PLCH1: variants seen among roughly 807,000 people sequenced by gnomAD.
The protein encoded by PLCH1 is phospholipase C eta 1.
A neutral mutation model predicts 126.7 loss-of-function variants in PLCH1; 60 were observed. The observed-to-expected ratio is 0.47, with a 90% CI of 0.38 to 0.59. The LOEUF (loss-of-function observed/expected upper bound fraction) is 0.59, where lower values mean the gene tolerates loss of function less well. Among genes scored for constraint, PLCH1 ranks in the 20% least tolerant of loss-of-function variants. The pLI is 0.00. For missense variants in PLCH1, 1,723 were observed against 2,040.0 expected (o/e 0.84, Z 2.99); for synonymous variants, 719 against 734.9 (o/e 0.98, Z 0.35).
rs558775491 is a variant in PLCH1, at chr3:155,692,813, G to A, written c.79+11333C>T. On this transcript the variant is annotated intron_variant, in intron 2 of 22. Coordinates refer to ENST00000460012, the MANE Select transcript of PLCH1 (RefSeq NM_014996.4). ...GCTCTGTCGCCCAGGCTAGAGTGCA[G>A]TGGCGCCATCTCCGCTCACTGCAAG... is the stretch of plus-strand genomic sequence containing the variant. 2.0e-5 allele frequency among the ~76,000 whole-genome samples: 3 copies of A among 151,814 alleles called. No homozygotes were observed. The South Asian group carries it at 6.3e-4, about 32-fold the overall frequency.
chr3:155,658,167 CTCAG>C (rs752012363), intron 2 of PLCH1: 9 of 214,888 alleles, frequency 4.2e-5, no homozygotes, highest in Non-Finnish European at 7.1e-5. Context: ...GCAAAAAGCC[CTCAG>C]TCAGCACAGA....
intron 12 of PLCH1, among the ~76,000 whole-genome samples, chr3:155,514,387 G>A (rs1324722217): frequency 6.6e-6 from 1 of 152,142 alleles, no homozygotes. Context: ...AGCAGGGAAG[G>A]CAGACATCTA....
intron 2 of PLCH1, among the ~76,000 whole-genome samples, chr3:155,636,108 A>G (rs1452145305): frequency 1.3e-5 from 2 of 152,054 alleles, no homozygotes; most frequent in Non-Finnish European, 2.9e-5. Context: ...AAGTGCCCCA[A>G]CTTCCCCAAC....
At chr3:155,583,992 A>G (rs1731051138) in intron 5 of PLCH1, among the ~76,000 whole-genome samples, 1 of 151,992 alleles carries the variant, frequency 6.6e-6, no homozygotes, top group Non-Finnish European at 1.5e-5. Context: ...TACACTACAT[A>G]TTAAAACTTA....
intron 22 of PLCH1, among the ~76,000 whole-genome samples, chr3:155,483,718 A>G (rs548814506): frequency 8.5e-4 from 129 of 152,116 alleles, no homozygotes; most frequent in Non-Finnish European, 1.6e-3. Flanking sequence ...TTAATACACA[A>G]ATTTCATATT....
intron 2 of PLCH1, among the ~76,000 whole-genome samples, chr3:155,676,939 G>A (rs1744144589): frequency 2.0e-5 from 3 of 152,084 alleles, no homozygotes; most frequent in South Asian, 2.1e-4. Flanking sequence ...CATTATTATA[G>A]TGCAATTTTC....
At chr3:155,469,409 T>C (rs538800393) in intron 21 of PLCH1, among the ~76,000 whole-genome samples, 2 of 152,346 alleles carry the variant, frequency 1.3e-5, no homozygotes, top group Admixed American at 1.3e-4. Context: ...ATCCCGCACC[T>C]GGCTCGGAGG....
At chr3:155,684,887 C>T (rs1744813192) in intron 2 of PLCH1, among the ~76,000 whole-genome samples, 1 of 152,188 alleles carries the variant, frequency 6.6e-6, no homozygotes, top group South Asian at 2.1e-4. Context: ...GTCTCCTTAC[C>T]TCTTTAGCCT....
At chr3:155,595,516 C>T (rs1323975588) in intron 3 of PLCH1, among the ~76,000 whole-genome samples, 2 of 152,160 alleles carry the variant, frequency 1.3e-5, no homozygotes, top group Non-Finnish European at 2.9e-5. Context: ...GCATCAGTGG[C>T]CCCCAGGTTC....
chr3:155,558,102 T>C lies in PLCH1; in HGVS notation c.1070-3906A>G, dbSNP rs77469355. On this transcript the variant is annotated intron_variant, in intron 8 of 22. Transcript: ENST00000460012. ...GTACATATCCTGACTAAGGACATTA[T>C]TGCAGCTGAACTAATGGAGATGGAA... Among the ~76,000 whole-genome samples the C allele has an allele frequency of 4.0e-3, 611 of 152,350 alleles. 7 individuals are homozygous for C. The East Asian group carries it at 0.049, about 12-fold the overall frequency.
chr3:155,637,141 C>A (rs1186632657), intron 2 of PLCH1, among the ~76,000 whole-genome samples: 1 of 152,122 alleles, frequency 6.6e-6, no homozygotes, highest in Non-Finnish European at 1.5e-5. Flanking sequence ...GCTTTTCCCC[C>A]CAAACTGATT....
intron 12 of PLCH1, among the ~76,000 whole-genome samples, chr3:155,506,345 C>G (rs910985581): frequency 7.7e-6 from 1 of 130,704 alleles, no homozygotes; most frequent in African/African-American, 2.9e-5. Flanking sequence ...TTCTCACTCT[C>G]TTTTTTTTTT....
chr3:155,550,856 CT>C (rs2108452375), intron 9 of PLCH1, among the ~76,000 whole-genome samples: 1 of 152,230 alleles, frequency 6.6e-6, no homozygotes, highest in South Asian at 2.1e-4. Flanking sequence ...TTTTTCCAGG[CT>C]TTCATGACAA....
At chr3:155,656,511 G>A (rs1741387349) in intron 2 of PLCH1, among the ~76,000 whole-genome samples, 1 of 152,096 alleles carries the variant, frequency 6.6e-6, no homozygotes, top group Non-Finnish European at 1.5e-5. Flanking sequence ...ATTCATTAAT[G>A]TAATTCACCA....
chr3:155,487,997 A>G, intron 21 of PLCH1, 31 bp downstream of exon 21: 1 of 1,221,538 alleles, frequency 8.2e-7, no homozygotes, highest in Non-Finnish European at 1.2e-6. Context: ...ATATTAATGT[A>G]TATGACTTTA....
At chr3:155,695,179 A>G (rs964025262) in intron 2 of PLCH1, among the ~76,000 whole-genome samples, 1 of 152,192 alleles carries the variant, frequency 6.6e-6, no homozygotes, top group Non-Finnish European at 1.5e-5. Flanking sequence ...TATAACCAAC[A>G]TGGAAAGTCT....
chr3:155,573,877 C>G (rs1729577652), intron 6 of PLCH1, among the ~76,000 whole-genome samples: 1 of 151,960 alleles, frequency 6.6e-6, no homozygotes. Flanking sequence ...CATATAGTAC[C>G]CACACTCAGC....
intron 2 of PLCH1, among the ~76,000 whole-genome samples, chr3:155,598,719 C>A (rs1733320901): frequency 6.6e-6 from 1 of 151,806 alleles, no homozygotes; most frequent in Non-Finnish European, 1.5e-5. Context: ...GCTAGTAACT[C>A]ATTTCCTTAT....
chr3:155,505,781 A>C (rs1370920833), intron 12 of PLCH1, among the ~76,000 whole-genome samples: 2 of 152,212 alleles, frequency 1.3e-5, no homozygotes, highest in African/African-American at 4.8e-5. Context: ...CTGTGGAATT[A>C]AGAAGGCAGC....
Sources: gnomAD v4.1 joint callset for allele counts (sites outside exome capture counted in the v4.1 genomes callset) on GRCh38, gnomAD v4.1.1 for gene constraint, MANE v1.5 for transcripts, NCBI Gene and HGNC (gene_info 2026-07-23, HGNC 2026-07-21) for gene names.